MDFIC2: variants seen among roughly 807,000 people sequenced by gnomAD.
MDFIC2 encodes the protein MyoD family inhibitor domain containing 2.
chr3:70,271,593 C>T (rs1251492169), intron 2 of MDFIC2, among the ~76,000 whole-genome samples: 2 of 152,176 alleles, frequency 1.3e-5, no homozygotes, highest in African/African-American at 4.8e-5. Flanking sequence ...TCTGGTTGGT[C>T]CATTACTTTC....
In MDFIC2 at chr3:70,195,133, A is replaced by G. The variant is rs1043286208; in HGVS notation, c.*1793T>C. ...TGTGTGGTCTTGAATAAGTCAGTTC[A>G]TGGGGCCTCTCTTTTCCCCTGTGAA... On this transcript the variant is annotated 3_prime_UTR_variant, in exon 4 of 4. Coordinates refer to ENST00000567252, the MANE Select transcript of MDFIC2 (RefSeq NM_001364677.1). Among the ~76,000 whole-genome samples the G allele has an allele frequency of 6.6e-6, 1 of 152,186 alleles. No individual in the cohort carries two copies. Among genetic ancestry groups the G allele is most frequent in the African/African-American group, 2.4e-5 (1 of 41,446 alleles).
At chr3:70,283,938 A>T (rs60515231) in intron 2 of MDFIC2, 2 of 151,694 alleles carry the variant, frequency 1.3e-5, no homozygotes, top group African/African-American at 4.8e-5. Context: ...AAGATTATTA[A>T]CTCTGCTTTA....
chr3:70,294,751 AT>A (rs1197958083), intron 2 of MDFIC2, among the ~76,000 whole-genome samples: 1 of 152,058 alleles, frequency 6.6e-6, no homozygotes, highest in Non-Finnish European at 1.5e-5. Flanking sequence ...AAGAATCCAG[AT>A]TTTTTTCCAT....
intron 3 of MDFIC2, chr3:70,205,000 G>T (rs951447872): frequency 2.0e-5 from 3 of 152,010 alleles, no homozygotes; most frequent in African/African-American, 7.2e-5. Context: ...TTCTTGACTG[G>T]CATTAATCTC....
chr3:70,290,984 G>C (rs894861955), intron 2 of MDFIC2, among the ~76,000 whole-genome samples: 1 of 152,114 alleles, frequency 6.6e-6, no homozygotes, highest in Non-Finnish European at 1.5e-5. Context: ...AGATGAACCC[G>C]GTACCTCAGA....
chr3:70,226,703 A>G (rs954994948), intron 2 of MDFIC2, among the ~76,000 whole-genome samples: 19 of 143,270 alleles, frequency 1.3e-4, no homozygotes, highest in Admixed American at 3.7e-4. Flanking sequence ...GTGCCACTCC[A>G]CTCCAGCCTG....
At chr3:70,223,795 G>A (rs1398790531) in intron 2 of MDFIC2, among the ~76,000 whole-genome samples, 4 of 152,098 alleles carry the variant, frequency 2.6e-5, no homozygotes, top group Non-Finnish European at 5.9e-5. Context: ...AGCTGCTTTG[G>A]ATTTCTTTTA....
intron 2 of MDFIC2, among the ~76,000 whole-genome samples, chr3:70,227,153 TACA>T (rs1701515990): frequency 6.6e-6 from 1 of 152,216 alleles, no homozygotes; most frequent in Non-Finnish European, 1.5e-5. Flanking sequence ...AAAGCAGGAC[TACA>T]ACAAGATCAT....
intron 2 of MDFIC2, among the ~76,000 whole-genome samples, chr3:70,289,695 A>G (rs1461613409): frequency 6.6e-6 from 1 of 152,058 alleles, no homozygotes; most frequent in Non-Finnish European, 1.5e-5. Flanking sequence ...TTTCAGGTAC[A>G]CCAATCAGAC....
At chr3:70,249,737 G>A (rs1701742064) in intron 2 of MDFIC2, 1 of 152,126 alleles carries the variant, frequency 6.6e-6, no homozygotes, top group African/African-American at 2.4e-5. Flanking sequence ...CATTAGTATG[G>A]CGCGAAGCCT....
intron 2 of MDFIC2, among the ~76,000 whole-genome samples, chr3:70,286,000 T>C (rs1575615711): frequency 1.3e-5 from 2 of 151,858 alleles, no homozygotes; most frequent in South Asian, 2.1e-4. Context: ...TTCTCCCATT[T>C]TGTAGGTTGC....
chr3:70,250,411 T>TCACACACACACACA (rs61355248), intron 2 of MDFIC2, among the ~76,000 whole-genome samples: 1 of 124,908 alleles, frequency 8.0e-6, no homozygotes, highest in South Asian at 3.6e-4. Flanking sequence ...TTAATGAATC[T>TCACACACACACACA]CACACACACA....
At chr3:70,289,547 C>G (rs1470717940) in intron 2 of MDFIC2, among the ~76,000 whole-genome samples, 1 of 147,984 alleles carries the variant, frequency 6.8e-6, no homozygotes, top group Non-Finnish European at 1.5e-5. Context: ...CTTGGAGTTG[C>G]TCTTCTCGAG....
intron 2 of MDFIC2, among the ~76,000 whole-genome samples, chr3:70,294,969 C>G (rs1702275588): frequency 6.6e-6 from 1 of 152,084 alleles, no homozygotes; most frequent in Non-Finnish European, 1.5e-5. Flanking sequence ...AACAAAAACC[C>G]CAAAAACCTT....
At chr3:70,214,062 G>T (rs142405047) in intron 2 of MDFIC2, among the ~76,000 whole-genome samples, 1 of 152,034 alleles carries the variant, frequency 6.6e-6, no homozygotes, top group Non-Finnish European at 1.5e-5. Context: ...AGGGATGAAG[G>T]CTTCTAAAAT....
rs560565247 is a variant in MDFIC2, at chr3:70,214,692, G to A, written c.89-7902C>T. ...TACTTTGCACCTGTAGACAGACATA[G>A]GCTAAGTGATGTACTTTTATAGCTA... On this transcript the variant is annotated intron_variant, in intron 2 of 3. Coordinates refer to ENST00000567252, the MANE Select transcript of MDFIC2 (RefSeq NM_001364677.1). Among the ~76,000 whole-genome samples, 171 of 151,114 alleles carry A rather than the reference G, an allele frequency of 1.1e-3. 1 individual carries two copies. Among genetic ancestry groups the A allele is most frequent in the South Asian group, 9.6e-3 (46 of 4,774 alleles).
chr3:70,254,355 A>G, intron 2 of MDFIC2, among the ~76,000 whole-genome samples: 1 of 152,282 alleles, frequency 6.6e-6, no homozygotes, highest in African/African-American at 2.4e-5. Context: ...AATCCATGCA[A>G]TTATTCTCAA....
chr3:70,278,523 G>C (rs1223275776), intron 2 of MDFIC2, among the ~76,000 whole-genome samples: 1 of 152,196 alleles, frequency 6.6e-6, no homozygotes, highest in African/African-American at 2.4e-5. Context: ...CGTCAAGACT[G>C]TATGAGAGTT....
intron 2 of MDFIC2, among the ~76,000 whole-genome samples, chr3:70,242,982 T>C (rs752065154): frequency 3.9e-5 from 6 of 152,214 alleles, no homozygotes; most frequent in Non-Finnish European, 8.8e-5. Flanking sequence ...ACCTAAATAC[T>C]AATTTCCCAA....
Sources: allele counts gnomAD v4.1 joint callset (sites outside exome capture counted in the v4.1 genomes callset), GRCh38; gene constraint gnomAD v4.1.1; transcripts MANE v1.5; gene names NCBI Gene and HGNC (gene_info 2026-07-23, HGNC 2026-07-21).